Variants in FAT3 observed in about 807,000 individuals in gnomAD.
FAT3 encodes the protein protocadherin Fat 3.
FAT3 carries 95 observed loss-of-function variants against 310.2 expected under a neutral mutation model. The observed-to-expected ratio is 0.31, with a 90% CI of 0.26 to 0.36. FAT3 has a LOEUF of 0.36. FAT3 is among the 10% of genes least tolerant of loss of function. The pLI is 1.00. For missense variants in FAT3, 5,408 were observed against 5,715.6 expected, an observed-to-expected ratio of 0.95 and a Z score of 1.74; for synonymous variants, 2,314 against 2,192.9, an observed-to-expected ratio of 1.06 and a Z score of -1.54.
At chr11:92,412,536 A>G (rs1433208859) in intron 2 of FAT3, among the ~76,000 whole-genome samples, 1 of 147,200 alleles carries the variant, frequency 6.8e-6, no homozygotes, top group Non-Finnish European at 1.5e-5. Flanking sequence ...AGATCTATAT[A>G]GGTACCAACC....
chr11:92,266,003 T>G (rs1390554587), intron 1 of FAT3, among the ~76,000 whole-genome samples: 3 of 152,144 alleles, frequency 2.0e-5, no homozygotes, highest in African/African-American at 7.2e-5. Flanking sequence ...CATCATTTCT[T>G]GATGTTTTTT....
intron 3 of FAT3, among the ~76,000 whole-genome samples, chr11:92,648,810 C>CA (rs1942260556): frequency 6.6e-6 from 1 of 152,160 alleles, no homozygotes; most frequent in African/African-American, 2.4e-5. Context: ...TGGTGCCAGG[C>CA]ATGAAGATCC....
intron 9 of FAT3, 114 bp downstream of exon 9, chr11:92,793,091 C>A: frequency 9.0e-7 from 1 of 1,106,110 alleles, no homozygotes; most frequent in Non-Finnish European, 1.3e-6. Flanking sequence ...TCTAAATGAA[C>A]TTTTTTGGCC....
At chr11:92,837,617 A>G (rs1220910946) in intron 16 of FAT3, 46 bp from the exon 17 acceptor site, 6 of 1,606,464 alleles carry the variant, frequency 3.7e-6, no homozygotes, top group Non-Finnish European at 5.1e-6. Flanking sequence ...CACAGAAGGA[A>G]GGAAGCGCTA....
intron 1 of FAT3, among the ~76,000 whole-genome samples, chr11:92,318,614 A>T (rs61393960): frequency 0.027 from 4,048 of 152,304 alleles, 194 homozygotes; most frequent in African/African-American, 0.092. Context: ...ATGGAAATAA[A>T]TATTTTTGCT....
intron 3 of FAT3, among the ~76,000 whole-genome samples, chr11:92,572,225 G>A (rs914763007): frequency 1.3e-5 from 2 of 152,058 alleles, no homozygotes; most frequent in Non-Finnish European, 2.9e-5. Context: ...TCTTACTGGG[G>A]GACCTATTAT....
At chr11:92,853,924 C>G (rs925037325) in intron 19 of FAT3, among the ~76,000 whole-genome samples, 7 of 152,164 alleles carry the variant, frequency 4.6e-5, no homozygotes, top group African/African-American at 1.7e-4. Context: ...TTCAGATAGT[C>G]CCTGGCTTGA....
intron 4 of FAT3, among the ~76,000 whole-genome samples, chr11:92,708,624 C>G (rs997532253): frequency 6.6e-6 from 1 of 152,162 alleles, no homozygotes; most frequent in Admixed American, 6.5e-5. Context: ...CATCTTGTGA[C>G]AAAATTCAGA....
intron 2 of FAT3, among the ~76,000 whole-genome samples, chr11:92,484,188 A>T (rs1276479451): frequency 3.9e-5 from 6 of 152,214 alleles, no homozygotes; most frequent in Admixed American, 3.9e-4. Context: ...TATGCTATCT[A>T]TGTAAATTAT....
At chr11:92,578,663 G>GCATC (rs774869940) in intron 3 of FAT3, among the ~76,000 whole-genome samples, 14 of 152,224 alleles carry the variant, frequency 9.2e-5, no homozygotes, top group Admixed American at 6.5e-4. Context: ...CGTGGAAAAA[G>GCATC]CATCCCATTG....
chr11:92,741,265 T>C (rs1945499373), intron 4 of FAT3, among the ~76,000 whole-genome samples: 1 of 152,208 alleles, frequency 6.6e-6, no homozygotes, highest in South Asian at 2.1e-4. Flanking sequence ...GATCTTGAAC[T>C]CCTGGGTTCA....
intron 1 of FAT3, among the ~76,000 whole-genome samples, chr11:92,260,304 C>T (rs188864971): frequency 4.6e-5 from 7 of 151,882 alleles, no homozygotes; most frequent in African/African-American, 1.2e-4. Flanking sequence ...AACCCAAACT[C>T]GTATTTCTCT....
At chr11:92,451,738 G>A (rs1343690165) in intron 2 of FAT3, among the ~76,000 whole-genome samples, 1 of 152,194 alleles carries the variant, frequency 6.6e-6, no homozygotes, top group East Asian at 1.9e-4. Flanking sequence ...TGGATAATGA[G>A]TGGGGACAAG....
intron 2 of FAT3, among the ~76,000 whole-genome samples, chr11:92,505,455 C>G (rs1272085250): frequency 6.6e-6 from 1 of 152,108 alleles, no homozygotes; most frequent in African/African-American, 2.4e-5. Flanking sequence ...GCTGAAAGTG[C>G]CAGTGTGGTG....
At chr11:92,521,888 A>G (rs1286713785) in intron 2 of FAT3, among the ~76,000 whole-genome samples, 1 of 152,132 alleles carries the variant, frequency 6.6e-6, no homozygotes, top group Non-Finnish European at 1.5e-5. Context: ...TTCCTAGTAT[A>G]TCGGTCTAAA....
At chr11:92,235,961 G>T (rs1316086818) in intron 1 of FAT3, among the ~76,000 whole-genome samples, 2 of 152,202 alleles carry the variant, frequency 1.3e-5, no homozygotes, top group African/African-American at 4.8e-5. Context: ...GTTCACAGTC[G>T]AAGGTAAAAT....
chr11:92,879,405 G>A (rs946232475), intron 22 of FAT3, among the ~76,000 whole-genome samples: 8 of 152,290 alleles, frequency 5.3e-5, no homozygotes, highest in African/African-American at 1.9e-4. Flanking sequence ...GACTAATTCA[G>A]GGGATGAAAA....
intron 4 of FAT3, among the ~76,000 whole-genome samples, chr11:92,756,754 T>G (rs1228107219): frequency 6.6e-6 from 1 of 152,010 alleles, no homozygotes; most frequent in Non-Finnish European, 1.5e-5. Flanking sequence ...TTCCATAACT[T>G]CAAAATTCTC....
chr11:92,257,356 T>C (rs1284220684), intron 1 of FAT3, among the ~76,000 whole-genome samples: 5 of 152,082 alleles, frequency 3.3e-5, no homozygotes, highest in Admixed American at 6.6e-5. Context: ...AGGTTTAGGG[T>C]AAATTTGAAA....
Sources: gnomAD v4.1 joint callset for allele counts (sites outside exome capture counted in the v4.1 genomes callset) on GRCh38, gnomAD v4.1.1 for gene constraint, MANE v1.5 for transcripts, NCBI Gene and HGNC (gene_info 2026-07-23, HGNC 2026-07-21) for gene names.